Variants in TEX36 observed in about 807,000 individuals in gnomAD.
TEX36 encodes testis-expressed protein 36.
In TEX36, 12 loss-of-function variants were observed where a neutral mutation model predicts 13.6. The observed-to-expected ratio is 0.88, with a 90% CI of 0.56 to 1.43. The LOEUF (loss-of-function observed/expected upper bound fraction) is 1.43, where lower values mean the gene tolerates loss of function less well. TEX36 is among the 40% of genes most tolerant of loss of function. The pLI, the probability that TEX36 is intolerant of heterozygous loss-of-function variation, is 0.00. For missense variants in TEX36, 224 were observed against 228.3 expected (o/e 0.98, Z 0.12); for synonymous variants, 93 against 83.0 (o/e 1.12, Z -0.65).
chr10:125,673,146 A>G (rs1375394431), intron 1 of TEX36, among the ~76,000 whole-genome samples: 2 of 152,262 alleles, frequency 1.3e-5, no homozygotes, highest in Admixed American at 6.5e-5. Context: ...AATGTTATCT[A>G]TGAATATGAT....
intron 3 of TEX36, among the ~76,000 whole-genome samples, chr10:125,613,333 GGTTA>G (rs1388093440): frequency 2.8e-5 from 4 of 145,248 alleles, no homozygotes; most frequent in Middle Eastern, 3.6e-3. Flanking sequence ...ACCATGTGCA[GGTTA>G]GTTACATACG....
In TEX36 at chr10:125,683,081, G is replaced by A. The variant is rs1382955704; in HGVS notation, c.-92C>T. On this transcript the variant is annotated 5_prime_UTR_variant, in exon 1 of 4. Transcript: ENST00000368821. ...GGAAGCTGCTTCCTAAACTTCATAA[G>A]CTCTACACGTCTGGGAAGCTCCTCC... 7 of 1,378,996 alleles carry A rather than the reference G, an allele frequency of 5.1e-6. No individual in the cohort carries two copies. In the East Asian group the frequency reaches 1.7e-4, roughly 34 times the overall value. The allele number at this position is 1,378,996 out of a possible 1,614,324, so 85.4% of individuals were successfully genotyped here.
intron 3 of TEX36, among the ~76,000 whole-genome samples, chr10:125,621,801 G>T (rs1358949893): frequency 6.6e-6 from 1 of 152,148 alleles, no homozygotes; most frequent in Non-Finnish European, 1.5e-5. Context: ...GAAGAATCTG[G>T]AGTATGATGT....
At chr10:125,664,059 C>G (rs9422917) in intron 1 of TEX36, among the ~76,000 whole-genome samples, 1 of 151,974 alleles carries the variant, frequency 6.6e-6, no homozygotes, top group African/African-American at 2.4e-5. Flanking sequence ...TGTTTTAATA[C>G]TCAGCTTCCA....
chr10:125,663,448 G>A (rs1460276917), intron 1 of TEX36, among the ~76,000 whole-genome samples: 4 of 152,182 alleles, frequency 2.6e-5, no homozygotes, highest in South Asian at 2.1e-4. Flanking sequence ...GTAATTTCTC[G>A]TTTGAGAGTT....
At chr10:125,594,926 C>A (rs1846063163) in intron 3 of TEX36, among the ~76,000 whole-genome samples, 1 of 152,100 alleles carries the variant, frequency 6.6e-6, no homozygotes, top group Admixed American at 6.6e-5. Context: ...AATAGACAAA[C>A]ATCTGGCAAG....
chr10:125,658,071 C>G (rs1474583492), intron 3 of TEX36, among the ~76,000 whole-genome samples: 1 of 151,834 alleles, frequency 6.6e-6, no homozygotes, highest in Non-Finnish European at 1.5e-5. Flanking sequence ...AAACCAAAAG[C>G]ATAAATTGTC....
At chr10:125,645,172 G>A (rs1335347217) in intron 3 of TEX36, among the ~76,000 whole-genome samples, 1 of 152,170 alleles carries the variant, frequency 6.6e-6, no homozygotes, top group Non-Finnish European at 1.5e-5. Flanking sequence ...TGTGTTAAAT[G>A]GTGTTGTTAT....
chr10:125,672,633 G>T (rs990117122), intron 1 of TEX36, among the ~76,000 whole-genome samples: 7 of 152,124 alleles, frequency 4.6e-5, no homozygotes, highest in African/African-American at 1.4e-4. Context: ...ACTTCTGTAG[G>T]TATCTATCAG....
At chr10:125,667,677 G>T in intron 1 of TEX36, 1 of 724,582 alleles carries the variant, frequency 1.4e-6, no homozygotes, top group South Asian at 1.6e-5. Context: ...GGGAAAGGAC[G>T]CCCATCATCC....
At position 125,586,755 on chromosome 10, in the gene TEX36, C is replaced by T. The variant is rs570137309; in HGVS notation, c.265-9881G>A. Reference sequence around the variant, plus strand: ...CCAGGAGGCAGAGGTCGCAGCACTGCACTCCAGTCTGGGCTCCAAAATGAG... The same window carrying T: ...CCAGGAGGCAGAGGTCGCAGCACTGTACTCCAGTCTGGGCTCCAAAATGAG... On this transcript the variant is annotated intron_variant, in intron 3 of 3. Coordinates refer to the TEX36 transcript ENST00000532135. Among the ~76,000 whole-genome samples, 63 of 150,912 alleles carry T rather than the reference C, an allele frequency of 4.2e-4. 1 individual carries two copies. Among genetic ancestry groups the T allele is most frequent in the Non-Finnish European group, 7.8e-4 (53 of 67,830 alleles).
chr10:125,641,726 A>C (rs1031776521), intron 3 of TEX36, among the ~76,000 whole-genome samples: 5 of 152,246 alleles, frequency 3.3e-5, no homozygotes, highest in African/African-American at 1.2e-4. Context: ...AAGAACCAAC[A>C]ACAGCAAGTC....
chr10:125,665,509 T>C (rs1490279890), intron 1 of TEX36, among the ~76,000 whole-genome samples: 1 of 152,168 alleles, frequency 6.6e-6, no homozygotes, highest in Non-Finnish European at 1.5e-5. Context: ...GGGTGCTGCT[T>C]CCCCGATATA....
At chr10:125,676,491 A>C (rs910523060) in intron 1 of TEX36, among the ~76,000 whole-genome samples, 2 of 151,770 alleles carry the variant, frequency 1.3e-5, no homozygotes, top group Non-Finnish European at 2.9e-5. Flanking sequence ...TTTTCAGTCT[A>C]TCTATATGTC....
chr10:125,661,939 G>T lies in TEX36; in HGVS notation c.90C>A (p.Ser30=), dbSNP rs992163262. The change falls in exon 2 of 4, where the codon TCC becomes TCA. Residue 30 remains serine, a synonymous_variant. Transcript: ENST00000368821. Reference sequence around the variant, plus strand: ...GCTCTTTTGACGTAGCACTGGTGATGGATTCTGGTGTCTTTTGCGTTAGCC... The same window carrying T: ...GCTCTTTTGACGTAGCACTGGTGATTGATTCTGGTGTCTTTTGCGTTAGCC... ...HIGLTQKTPE[S]ITSATSKEPQ... The T allele has an allele frequency of 3.9e-6, 6 of 1,552,254 alleles. No homozygotes were observed. In the African/African-American group the frequency reaches 8.2e-5, roughly 21 times the overall value.
intron 3 of TEX36, among the ~76,000 whole-genome samples, chr10:125,610,533 T>C (rs1291580174): frequency 1.4e-5 from 2 of 141,030 alleles, no homozygotes; most frequent in Admixed American, 1.4e-4. Flanking sequence ...CCATGCATAT[T>C]GAAGTTGAAG....
At chr10:125,635,096 G>A (rs1846606868) in intron 3 of TEX36, among the ~76,000 whole-genome samples, 1 of 152,176 alleles carries the variant, frequency 6.6e-6, no homozygotes, top group East Asian at 1.9e-4. Flanking sequence ...GGAACTAGCA[G>A]AATCTACCAA....
Position 125,625,888 on chromosome 10 carries a change from C to T in TEX36, c.265-4243G>A, listed in dbSNP as rs550591572. Among the ~76,000 whole-genome samples, 107 of 152,320 alleles carry T rather than the reference C, an allele frequency of 7.0e-4. 1 individual carries two copies. Among genetic ancestry groups the T allele is most frequent in the African/African-American group, 2.5e-3 (102 of 41,574 alleles). ...TGAAGGATTTCCTCAACTCTGAGCA[C>T]GCTCCCTCTGGTCATGGGTTCTGTC... On this transcript the variant is annotated intron_variant, in intron 3 of 3. Transcript: ENST00000526819.
downstream of TEX36, among the ~76,000 whole-genome samples, chr10:125,616,964 T>A (rs1027287299): frequency 2.6e-5 from 4 of 152,320 alleles, no homozygotes; most frequent in African/African-American, 9.6e-5. Flanking sequence ...TGAATCTGGG[T>A]GCTCTTGTAT....
Sources: gnomAD v4.1 joint callset for allele counts (sites outside exome capture counted in the v4.1 genomes callset) on GRCh38, gnomAD v4.1.1 for gene constraint, MANE v1.5 for transcripts, NCBI Gene and HGNC (gene_info 2026-07-23, HGNC 2026-07-21) for gene names.